PLS3: variants seen among roughly 807,000 people sequenced by gnomAD.
PLS3 encodes the protein plastin-3.
In PLS3, 11 loss-of-function variants were observed where a neutral mutation model predicts 46.5. That is an observed-to-expected ratio of 0.24 (90% confidence interval 0.15 to 0.39). The LOEUF (loss-of-function observed/expected upper bound fraction) is 0.39. Among genes scored for constraint, PLS3 ranks in the 10% least tolerant of loss-of-function variants. The pLI is 1.00. For synonymous variants in PLS3, 167 were observed against 162.2 expected (o/e 1.03, Z -0.22); for missense variants, 308 against 461.8 (o/e 0.67, Z 3.05).
At chrX:115,623,392 G>A (rs2074676035) in intron 3 of PLS3, among the ~76,000 whole-genome samples, 1 of 110,374 alleles carries the variant, frequency 9.1e-6, no homozygotes, top group African/African-American at 3.3e-5. Flanking sequence ...CTGGTAGCTC[G>A]AGCCTATAGT....
chrX:115,642,103 T>G (rs1311099268), intron 9 of PLS3, among the ~76,000 whole-genome samples: 1 of 100,966 alleles, frequency 9.9e-6, no homozygotes, highest in Non-Finnish European at 2.0e-5. Flanking sequence ...GGTTTCGAAC[T>G]CCTGGGCTCA....
chrX:115,618,005 C>T (rs1315855445), intron 2 of PLS3, among the ~76,000 whole-genome samples: 3 of 111,308 alleles, frequency 2.7e-5, no homozygotes, highest in Non-Finnish European at 5.7e-5. Flanking sequence ...TAGCTCACTG[C>T]AGCCTCGAAA....
chrX:115,588,436 A>G (rs1443043595), intron 1 of PLS3, among the ~76,000 whole-genome samples: 7 of 112,450 alleles, frequency 6.2e-5, no homozygotes, highest in African/African-American at 2.3e-4. Flanking sequence ...GATTTGCAAC[A>G]ATGTAAACAA....
chrX:115,646,633 C>T, intron 13 of PLS3, 98 bp downstream of exon 13: 1 of 737,403 alleles, frequency 1.4e-6, no homozygotes, highest in East Asian at 3.4e-5. Context: ...GATAACTACA[C>T]TTTTGAAATA....
intron 1 of PLS3, among the ~76,000 whole-genome samples, chrX:115,579,225 A>G (rs186149571): frequency 8.9e-5 from 10 of 111,843 alleles, no homozygotes; most frequent in South Asian, 3.8e-4. Context: ...ATTCAACCTA[A>G]GTTGTTGTGT....
At chrX:115,622,127 C>A in intron 2 of PLS3, 119 bp from the exon 3 acceptor site, 2 of 566,885 alleles carry the variant, frequency 3.5e-6, no homozygotes, top group Non-Finnish European at 2.8e-6. Flanking sequence ...ATGTTCCCCA[C>A]AATAAGAAAA....
chrX:115,641,392 T>TA (rs2074894739), intron 9 of PLS3, among the ~76,000 whole-genome samples: 1 of 108,543 alleles, frequency 9.2e-6, no homozygotes, highest in Admixed American at 1.0e-4. Flanking sequence ...CATGCCCAGC[T>TA]AGTTTTATAT....
intron 3 of PLS3, 44 bp downstream of exon 3, chrX:115,622,453 C>T (rs2147517078): frequency 8.0e-6 from 7 of 875,428 alleles, no homozygotes; most frequent in Non-Finnish European, 1.2e-5. Flanking sequence ...AGTAGATGTT[C>T]CCTCGTCTAG....
chrX:115,589,058 C>T (rs1029974671), intron 1 of PLS3, among the ~76,000 whole-genome samples: 3 of 111,544 alleles, frequency 2.7e-5, no homozygotes, highest in African/African-American at 9.8e-5. Flanking sequence ...CAGCTCACCT[C>T]CTGGGCTCAA....
intron 1 of PLS3, among the ~76,000 whole-genome samples, chrX:115,595,233 C>T (rs2074376717): frequency 9.0e-6 from 1 of 111,495 alleles, no homozygotes. Context: ...GAAACTTTTA[C>T]CTAAAATGGA....
intron 2 of PLS3, among the ~76,000 whole-genome samples, chrX:115,618,057 G>A (rs1377269128): frequency 1.8e-5 from 2 of 110,750 alleles, no homozygotes; most frequent in East Asian, 2.9e-4. Flanking sequence ...CTCCCAAAGC[G>A]CTGGGATTAC....
chrX:115,646,020 G>A lies in PLS3; in HGVS notation c.1263-52G>A, dbSNP rs1411341466. The A allele has an allele frequency of 4.4e-5, 30 of 679,811 alleles. No homozygotes were observed. The South Asian group carries it at 6.0e-4, about 14-fold the overall frequency. The allele number at this position is 679,811 out of a possible 1,213,427, so 56.0% of individuals were successfully genotyped here. On this transcript the variant is annotated intron_variant, in intron 11 of 15. Transcript: ENST00000355899. ...TGTAGTGTTACTGTTTTTAAGGAAA[G>A]TCAAGTCCCAGCTTCCTGAAAACAC...
chrX:115,633,488 T>A (rs782531838), intron 5 of PLS3, among the ~76,000 whole-genome samples: 4 of 110,202 alleles, frequency 3.6e-5, no homozygotes, highest in South Asian at 7.7e-4. Flanking sequence ...ATTTATTTAT[T>A]TATTTATTTA....
intron 2 of PLS3, among the ~76,000 whole-genome samples, chrX:115,618,741 C>T (rs1199732762): frequency 1.4e-4 from 16 of 111,100 alleles, no homozygotes; most frequent in African/African-American, 4.9e-4. Flanking sequence ...ACTAAAAATA[C>T]AGAAGTTGGC....
intron 2 of PLS3, chrX:115,614,334 T>G: frequency 2.7e-6 from 2 of 751,108 alleles, no homozygotes; most frequent in Non-Finnish European, 3.1e-6. Context: ...CTGCTGGAAA[T>G]TTTGAGTCAG....
chrX:115,644,215 G>C (rs907568354), intron 10 of PLS3, among the ~76,000 whole-genome samples: 9 of 110,596 alleles, frequency 8.1e-5, no homozygotes, highest in Non-Finnish European at 1.5e-4. Flanking sequence ...AGAAACAAAT[G>C]ATAATATATA....
At chrX:115,613,928 C>T (rs180898617) in intron 2 of PLS3, among the ~76,000 whole-genome samples, 1,659 of 110,958 alleles carry the variant, frequency 0.015, 22 homozygotes, top group African/African-American at 0.047. Context: ...GTGAAGCCTG[C>T]TTTGAATTTT....
chrX:115,598,151 A>G (rs1481410954), intron 1 of PLS3, among the ~76,000 whole-genome samples: 1 of 109,716 alleles, frequency 9.1e-6, no homozygotes, highest in African/African-American at 3.3e-5. Flanking sequence ...AAATACAAAA[A>G]TTAGCTGGGG....
intron 1 of PLS3, among the ~76,000 whole-genome samples, chrX:115,574,318 T>C (rs1443235812): frequency 6.3e-5 from 7 of 111,935 alleles, no homozygotes. Context: ...AACGATTGAA[T>C]TGGGAAAATC....
Sources: allele counts gnomAD v4.1 joint callset (sites outside exome capture counted in the v4.1 genomes callset), GRCh38; gene constraint gnomAD v4.1.1; transcripts MANE v1.5; gene names NCBI Gene and HGNC (gene_info 2026-07-23, HGNC 2026-07-21).